Variants in CALCRL observed in about 807,000 individuals in gnomAD.
CALCRL encodes calcitonin receptor like receptor.
A neutral mutation model predicts 60.4 loss-of-function variants in CALCRL; 27 were observed. The observed-to-expected ratio is 0.45, with a 90% CI of 0.33 to 0.62. The LOEUF is 0.62. CALCRL is among the 20% of genes least tolerant of loss of function. The probability of loss-of-function intolerance (pLI) is 0.03; values close to 1 mark genes in which losing one functional copy is unlikely to be tolerated. For missense variants in CALCRL, 424 were observed against 540.7 expected (o/e 0.78, Z 2.14); for synonymous variants, 190 against 182.6 (o/e 1.04, Z -0.33).
chr2:187,438,549 T>A (rs1690751543), intron 1 of CALCRL, among the ~76,000 whole-genome samples: 1 of 152,160 alleles, frequency 6.6e-6, no homozygotes, highest in African/African-American at 2.4e-5. Flanking sequence ...GTTGTTTTTT[T>A]TTTCCTCCTT....
intron 1 of CALCRL, among the ~76,000 whole-genome samples, chr2:187,414,907 C>T (rs1404208078): frequency 6.7e-6 from 1 of 150,372 alleles, no homozygotes; most frequent in African/African-American, 2.4e-5. Flanking sequence ...AAAAGGTAGT[C>T]TCTTTTTTTT....
chr2:187,426,478 A>G (rs1690133024), intron 1 of CALCRL, among the ~76,000 whole-genome samples: 1 of 152,024 alleles, frequency 6.6e-6, no homozygotes, highest in Non-Finnish European at 1.5e-5. Context: ...TATCATGTTG[A>G]TAATAATAGT....
chr2:187,368,138 G>A (rs1687376171), intron 8 of CALCRL, among the ~76,000 whole-genome samples: 1 of 151,980 alleles, frequency 6.6e-6, no homozygotes, highest in Admixed American at 6.6e-5. Flanking sequence ...GCTAACAATT[G>A]TACTTCATAG....
chr2:187,367,695 T>G (rs1559045574), intron 8 of CALCRL, among the ~76,000 whole-genome samples: 2 of 152,116 alleles, frequency 1.3e-5, no homozygotes, highest in Non-Finnish European at 2.9e-5. Context: ...TGAAAGCAAT[T>G]ATCTTAGAGT....
intron 14 of CALCRL, among the ~76,000 whole-genome samples, chr2:187,349,954 A>T (rs1206761163): frequency 6.6e-6 from 1 of 151,682 alleles, no homozygotes; most frequent in Admixed American, 6.6e-5. Flanking sequence ...GGTGCTAAAA[A>T]CTTTATCTTT....
At chr2:187,400,777 G>GT (rs1274512322) in intron 1 of CALCRL, among the ~76,000 whole-genome samples, 48 of 150,426 alleles carry the variant, frequency 3.2e-4, no homozygotes, top group African/African-American at 1.2e-3. Context: ...AAAAAAGACA[G>GT]TAAAAAAAAA....
chr2:187,373,883 G>A (rs1175876508), intron 8 of CALCRL, among the ~76,000 whole-genome samples: 1 of 152,174 alleles, frequency 6.6e-6, no homozygotes, highest in African/African-American at 2.4e-5. Context: ...CTCTCAGGCT[G>A]GGCACAGTGG....
chr2:187,373,009 C>T (rs1687598921), intron 8 of CALCRL, among the ~76,000 whole-genome samples: 1 of 152,012 alleles, frequency 6.6e-6, no homozygotes, highest in Non-Finnish European at 1.5e-5. Flanking sequence ...AGTCTAATGC[C>T]TTTCTTTGTT....
rs964152333 is a variant in CALCRL, at chr2:187,447,371, GT to G, written c.-293+667del. The stretch of plus-strand genomic sequence containing the variant: ...AAAATCTACATTTCCTAAACTCTAG[GT>G]TTTTTTTTTTCTTTGTAGCCGACAC... On this transcript the variant is annotated intron_variant, in intron 1 of 14. Transcript: ENST00000392370. Among the ~76,000 whole-genome samples, 236 of 146,560 alleles carry G rather than the reference GT, an allele frequency of 1.6e-3. 1 individual carries two copies. In the East Asian group the frequency reaches 0.017, roughly 11 times the overall value.
At chr2:187,406,067 T>G (rs1001586205) in intron 1 of CALCRL, among the ~76,000 whole-genome samples, 1 of 151,506 alleles carries the variant, frequency 6.6e-6, no homozygotes, top group African/African-American at 2.4e-5. Context: ...ATAGTACCAG[T>G]GTGGGGCTCT....
chr2:187,370,795 A>G (rs1219148337), intron 8 of CALCRL, among the ~76,000 whole-genome samples: 1 of 152,164 alleles, frequency 6.6e-6, no homozygotes, highest in African/African-American at 2.4e-5. Flanking sequence ...CAATTATTTT[A>G]TTATATAACT....
At chr2:187,429,362 G>A (rs1690301409) in intron 1 of CALCRL, among the ~76,000 whole-genome samples, 1 of 152,148 alleles carries the variant, frequency 6.6e-6, no homozygotes, top group African/African-American at 2.4e-5. Context: ...TTAGGTCAGA[G>A]AGTTACAGGC....
chr2:187,402,534 T>C (rs1201713187), intron 1 of CALCRL, among the ~76,000 whole-genome samples: 1 of 151,530 alleles, frequency 6.6e-6, no homozygotes. Flanking sequence ...ATACATGAGA[T>C]GAGAGATGAG....
intron 1 of CALCRL, among the ~76,000 whole-genome samples, chr2:187,417,566 C>G (rs147482372): frequency 7.0e-4 from 106 of 151,994 alleles, no homozygotes; most frequent in African/African-American, 2.5e-3. Context: ...TTTTAACATG[C>G]CTTTGACCTG....
At chr2:187,377,838 T>C (rs1687823102) in intron 8 of CALCRL, among the ~76,000 whole-genome samples, 1 of 152,094 alleles carries the variant, frequency 6.6e-6, no homozygotes, top group African/African-American at 2.4e-5. Flanking sequence ...AAAATGCTGT[T>C]ATAAAAATAG....
At chr2:187,395,792 T>TA (rs1688626645) in intron 1 of CALCRL, among the ~76,000 whole-genome samples, 1 of 151,976 alleles carries the variant, frequency 6.6e-6, no homozygotes, top group African/African-American at 2.4e-5. Context: ...AACAGGAAGT[T>TA]AGTGTCTTCC....
intron 1 of CALCRL, among the ~76,000 whole-genome samples, chr2:187,408,845 A>G (rs1428915893): frequency 6.6e-6 from 1 of 152,114 alleles, no homozygotes; most frequent in Non-Finnish European, 1.5e-5. Flanking sequence ...CAGTTTTTTA[A>G]TCATTTTTAT....
intron 1 of CALCRL, among the ~76,000 whole-genome samples, chr2:187,414,031 T>C (rs1051637057): frequency 6.6e-6 from 1 of 152,088 alleles, no homozygotes; most frequent in African/African-American, 2.4e-5. Flanking sequence ...ACTTGACATA[T>C]TGGAATGAGG....
At chr2:187,433,783 T>C (rs1690503469) in intron 1 of CALCRL, among the ~76,000 whole-genome samples, 2 of 152,078 alleles carry the variant, frequency 1.3e-5, no homozygotes, top group African/African-American at 4.8e-5. Context: ...TAAGTATATT[T>C]ATGAAGAGAA....
Sources: gnomAD v4.1 joint callset for allele counts (sites outside exome capture counted in the v4.1 genomes callset) on GRCh38, gnomAD v4.1.1 for gene constraint, MANE v1.5 for transcripts, NCBI Gene and HGNC (gene_info 2026-07-23, HGNC 2026-07-21) for gene names.